Variants in ULK4 observed in about 807,000 individuals in gnomAD.
ULK4 encodes unc-51 like kinase 4, also known as inactive serine/threonine-protein kinase ULK4.
In ULK4, 133 loss-of-function variants were observed where a neutral mutation model predicts 160.6. The observed-to-expected ratio is 0.83, with a 90% CI of 0.72 to 0.96. The LOEUF (loss-of-function observed/expected upper bound fraction) is 0.96, where lower values mean the gene tolerates loss of function less well. Among genes scored for constraint, ULK4 ranks in the 40% least tolerant of loss-of-function variants. The probability of loss-of-function intolerance (pLI) is 0.00; values close to 1 mark genes in which losing one functional copy is unlikely to be tolerated. For synonymous variants in ULK4, 534 were observed against 539.8 expected (o/e 0.99, Z 0.15); for missense variants, 1,580 against 1,499.5 (o/e 1.05, Z -0.89).
At chr3:41,830,411 T>C (rs74824689) in intron 18 of ULK4, among the ~76,000 whole-genome samples, 1,903 of 152,044 alleles carry the variant, frequency 0.013, 37 homozygotes, top group African/African-American at 0.041. Flanking sequence ...AAAACAAGTC[T>C]ATATAAAGAA....
At chr3:41,470,844 C>T (rs2083972380) in intron 32 of ULK4, among the ~76,000 whole-genome samples, 1 of 151,610 alleles carries the variant, frequency 6.6e-6, no homozygotes, top group Non-Finnish European at 1.5e-5. Flanking sequence ...AGTAGACACA[C>T]AAAACAAAAA....
chr3:41,290,068 T>C (rs1340412427), intron 35 of ULK4, among the ~76,000 whole-genome samples: 1 of 151,878 alleles, frequency 6.6e-6, no homozygotes, highest in Non-Finnish European at 1.5e-5. Flanking sequence ...AGAGACGGAG[T>C]TCCTCCATGT....
At chr3:41,456,303 G>A (rs1459521382) in intron 33 of ULK4, among the ~76,000 whole-genome samples, 1 of 152,132 alleles carries the variant, frequency 6.6e-6, no homozygotes, top group Admixed American at 6.5e-5. Flanking sequence ...TCACAGTTAA[G>A]GAGTGACAAA....
At chr3:41,780,886 A>T (rs1182729083) in intron 21 of ULK4, among the ~76,000 whole-genome samples, 1 of 152,164 alleles carries the variant, frequency 6.6e-6, no homozygotes, top group Non-Finnish European at 1.5e-5. Flanking sequence ...CCAGAGACAC[A>T]GAGTTCCAAA....
chr3:41,699,252 A>G (rs60340105), intron 27 of ULK4, among the ~76,000 whole-genome samples: 10,410 of 152,234 alleles, frequency 0.068, 998 homozygotes, highest in African/African-American at 0.22. Context: ...TGTCCCCACC[A>G]ACACTAAGTA....
At chr3:41,420,475 C>CTTTGTTTTTTTTTTTTTTTTTTT (rs2082636372) in intron 34 of ULK4, among the ~76,000 whole-genome samples, 1 of 41,178 alleles carries the variant, frequency 2.4e-5, no homozygotes. Context: ...CCAGTTCTTT[C>CTTTGTTTTTTTTTTTTTTTTTTT]TTTTTTTTTT....
chr3:41,476,150 C>G (rs144039049), intron 32 of ULK4, among the ~76,000 whole-genome samples: 165 of 152,090 alleles, frequency 1.1e-3, no homozygotes, highest in African/African-American at 3.5e-3. Flanking sequence ...TGGTCCATAA[C>G]CCCTAAGGGT....
chr3:41,491,168 C>CT (rs2084745586), intron 32 of ULK4, among the ~76,000 whole-genome samples: 1 of 152,052 alleles, frequency 6.6e-6, no homozygotes, highest in Non-Finnish European at 1.5e-5. Context: ...AAATAAAGAG[C>CT]CCTACCATAT....
chr3:41,710,909 G>C (rs1023921672), intron 25 of ULK4, among the ~76,000 whole-genome samples: 1 of 152,142 alleles, frequency 6.6e-6, no homozygotes, highest in Non-Finnish European at 1.5e-5. Context: ...AAGCAGGTAG[G>C]AACAATTAAG....
In ULK4 at chr3:41,597,360, G is replaced by C. The variant is rs1020849516; in HGVS notation, c.3120+18309C>G. 2.0e-5 allele frequency among the ~76,000 whole-genome samples: 3 copies of C among 152,108 alleles called. No individual in the cohort carries two copies. The East Asian group carries it at 5.8e-4, about 29-fold the overall frequency. The stretch of plus-strand genomic sequence containing the variant: ...TACATTGGTGGCTTTTTTCCCTTTA[G>C]GCTCAAAACCTGCAGGGCCTTGCAC... On this transcript the variant is annotated intron_variant, in intron 31 of 36. Coordinates refer to ENST00000301831, the MANE Select transcript of ULK4 (RefSeq NM_017886.4).
chr3:41,346,444 T>C (rs2080801454), intron 35 of ULK4, among the ~76,000 whole-genome samples: 1 of 152,178 alleles, frequency 6.6e-6, no homozygotes, highest in Admixed American at 6.6e-5. Context: ...CTGCAGTTCT[T>C]GCTTTCCCTT....
At chr3:41,395,539 T>A (rs973084414) in intron 35 of ULK4, among the ~76,000 whole-genome samples, 1 of 152,114 alleles carries the variant, frequency 6.6e-6, no homozygotes, top group African/African-American at 2.4e-5. Flanking sequence ...ACAAATATTG[T>A]ATAATTCCAC....
chr3:41,840,574 C>T (rs1381934042), intron 17 of ULK4, among the ~76,000 whole-genome samples: 1 of 152,232 alleles, frequency 6.6e-6, no homozygotes, highest in Non-Finnish European at 1.5e-5. Context: ...CAGGGTTTTG[C>T]CCTGTTGACC....
chr3:41,498,878 A>T (rs2085090000), intron 32 of ULK4, among the ~76,000 whole-genome samples: 1 of 152,206 alleles, frequency 6.6e-6, no homozygotes, highest in African/African-American at 2.4e-5. Context: ...TACAGGCGTG[A>T]GCCACTGTCT....
intron 32 of ULK4, among the ~76,000 whole-genome samples, chr3:41,540,408 G>C (rs2086655509): frequency 6.6e-6 from 1 of 152,136 alleles, no homozygotes; most frequent in Admixed American, 6.5e-5. Flanking sequence ...TAGTGTATAT[G>C]TGCCACATTT....
chr3:41,725,419 A>G (rs1012642804), intron 22 of ULK4, among the ~76,000 whole-genome samples: 1 of 152,110 alleles, frequency 6.6e-6, no homozygotes, highest in Admixed American at 6.5e-5. Flanking sequence ...CATGTCTTCT[A>G]TACTTTTGTC....
intron 21 of ULK4, among the ~76,000 whole-genome samples, chr3:41,767,636 A>G (rs533503752): frequency 1.2e-4 from 18 of 152,330 alleles, no homozygotes; most frequent in African/African-American, 4.3e-4. Context: ...ATGCAAAAAA[A>G]AAGAATTCAC....
chr3:41,772,246 C>A (rs913211806), intron 21 of ULK4, among the ~76,000 whole-genome samples: 5 of 151,862 alleles, frequency 3.3e-5, no homozygotes, highest in Admixed American at 1.3e-4. Context: ...GATAGAGACA[C>A]AAAAAACCCT....
chr3:41,826,452 G>C (rs1386095612), intron 18 of ULK4, among the ~76,000 whole-genome samples: 1 of 151,894 alleles, frequency 6.6e-6, no homozygotes, highest in African/African-American at 2.4e-5. Flanking sequence ...CAAAATAAAG[G>C]GATGGAGGAA....
Sources: gnomAD v4.1 joint callset for allele counts (sites outside exome capture counted in the v4.1 genomes callset) on GRCh38, gnomAD v4.1.1 for gene constraint, MANE v1.5 for transcripts, NCBI Gene and HGNC (gene_info 2026-07-23, HGNC 2026-07-21) for gene names.